Variants in PEX10 observed in about 807,000 individuals in gnomAD.
PEX10 encodes the protein peroxisomal biogenesis factor 10.
PEX10 carries 32 observed loss-of-function variants against 38.0 expected under a neutral mutation model. The ratio of observed to expected loss-of-function variants is 0.84; its 90% CI spans 0.63 to 1.13. The LOEUF (loss-of-function observed/expected upper bound fraction) is 1.13. PEX10 is among the 50% of genes most tolerant of loss of function. PEX10 has a pLI of 0.00. For synonymous variants in PEX10, 206 were observed against 207.3 expected (o/e 0.99, Z 0.05); for missense variants, 483 against 457.7 (o/e 1.06, Z -0.51).
At position 2,410,491 on chromosome 1, in the gene PEX10, G is replaced by A. The variant is rs747287376; in HGVS notation, c.113-40C>T. The A allele has an allele frequency of 2.7e-5, 43 of 1,581,254 alleles. No homozygotes were observed. The highest frequency in any genetic ancestry group is 3.6e-5 in the Non-Finnish European group (42 of 1,153,142). ...AGTATTAGTCCGGGGGAGCTGGTGG[G>A]CATCCTCTGAGGATGAGGGACCACA... On this transcript the variant is annotated intron_variant, in intron 1 of 5. Coordinates refer to ENST00000447513, the MANE Select transcript of PEX10 (RefSeq NM_002617.4). The surrounding 1 kb of genome is among the most constrained non-coding windows in gnomAD (Gnocchi z 5.1).
upstream of PEX10, among the ~76,000 whole-genome samples, chr1:2,412,759 C>T (rs1643305150): frequency 6.6e-6 from 1 of 151,788 alleles, no homozygotes; most frequent in Non-Finnish European, 1.5e-5. Context: ...CGGGGCGGGG[C>T]CCGCGAGCCG....
chr1:2,407,522 T>G (rs1442453195), intron 3 of PEX10, among the ~76,000 whole-genome samples: 1 of 152,166 alleles, frequency 6.6e-6, no homozygotes, highest in South Asian at 2.1e-4. Flanking sequence ...TTCCTGGCTG[T>G]CCTAGGAGAG....
chr1:2,412,917 C>T (rs969131522), upstream of PEX10, among the ~76,000 whole-genome samples: 2 of 152,214 alleles, frequency 1.3e-5, no homozygotes, highest in African/African-American at 2.4e-5. Flanking sequence ...CCACTGGGGA[C>T]AGCGCTGCGG....
intron 5 of PEX10, among the ~76,000 whole-genome samples, chr1:2,406,041 CAG>C (rs1642990024): frequency 6.6e-6 from 1 of 152,176 alleles, no homozygotes; most frequent in Admixed American, 6.5e-5. Flanking sequence ...GCGTAGGGCT[CAG>C]GGTGTGGGGC....
Position 2,409,054 on chromosome 1 carries a change from C to T in PEX10, c.194-196G>A, listed in dbSNP as rs1643104032. 6.6e-6 allele frequency among the ~76,000 whole-genome samples: 1 copy of T among 152,178 alleles called. No individual in the cohort carries two copies. Among genetic ancestry groups the T allele is most frequent in the South Asian group, 2.1e-4 (1 of 4,832 alleles). On this transcript the variant is annotated intron_variant, in intron 2 of 5. Transcript: ENST00000447513. The surrounding 1 kb of genome is among the most constrained non-coding windows in gnomAD (Gnocchi z 6.2). ...AAGCCCACTGTGAGCTCAGGCAGCA[C>T]ATGACAGGCCCGGCCAATGGCTGCC...
Position 2,404,058 on chromosome 1 carries a change from T to C in PEX10, c.*1708A>G, listed in dbSNP as rs1642918239. On this transcript the variant is annotated 3_prime_UTR_variant, in exon 6 of 6. Transcript: ENST00000447513. ...GGAAAGCCCACCTTTTGTTTGGCCT[T>C]TTCGAAAGGTGACCCATATTGCACA... 6.6e-6 allele frequency: 1 copy of C among 152,234 alleles called. No homozygotes were observed. Among genetic ancestry groups the C allele is most frequent in the African/African-American group, 2.4e-5 (1 of 41,454 alleles). 9.4% of individuals were successfully genotyped at this position (152,234 alleles called of 1,614,324 possible). A position where few individuals can be genotyped will look rare whatever the true frequency, so the allele number is the denominator to read the frequency against.
chr1:2,413,530 G>C (rs1046997791), upstream of PEX10: 3 of 152,688 alleles, frequency 2.0e-5, no homozygotes, highest in Admixed American at 6.5e-5. Context: ...CAGGTCGCCT[G>C]CGGTGTCTGC....
At chr1:2,406,386 G>C (rs977297575) in intron 5 of PEX10, 98 bp downstream of exon 5, 1 of 1,505,980 alleles carries the variant, frequency 6.6e-7, no homozygotes, top group Admixed American at 1.7e-5. Context: ...AAAACTGGAG[G>C]GTGCTCAGAG....
chr1:2,406,934 G>A lies in PEX10; in HGVS notation c.601-39C>T, dbSNP rs1469160710. ...GGCGCCACACTCATCAGGACCCTGA[G>A]GGGATCTGGCCTCAGCGCCTGCTGG... is the stretch of plus-strand genomic sequence containing the variant. On this transcript the variant is annotated intron_variant, in intron 3 of 5. Transcript: ENST00000447513. The A allele has an allele frequency of 1.3e-6, 2 of 1,596,490 alleles. No homozygotes were observed. Among genetic ancestry groups the A allele is most frequent in the Admixed American group, 1.7e-5 (1 of 57,772 alleles).
rs766506813 is a variant in PEX10 at position 2,408,680 on chromosome 1, C to T, written c.372G>A (p.Gly124=). ...EQELQADPDS[G]RPLQGSLGPG... ...GCCCCAGGCTCCCCTGCAAGGGTCG[C>T]CCACTGTCGGGGTCAGCCTGCAGCT... is the stretch of plus-strand genomic sequence containing the variant. Residue 124 remains glycine (G), a synonymous_variant, in exon 3 of 6, where the codon GGG becomes GGA. Transcript: ENST00000447513. 3.7e-6 allele frequency: 6 copies of T among 1,612,708 alleles called. No individual in the cohort carries two copies. The African/African-American group carries it at 5.3e-5, about 14-fold the overall frequency.
At chr1:2,413,689 G>A (rs897814107), upstream of PEX10, 1 of 152,338 alleles carries the variant, frequency 6.6e-6, no homozygotes, top group African/African-American at 2.4e-5. Context: ...GATTGCAGGA[G>A]GAAGGCAGGG....
chr1:2,410,517 G>C lies in PEX10; in HGVS notation c.113-66C>G. On this transcript the variant is annotated intron_variant, in intron 1 of 5. Transcript: ENST00000447513. This position sits in a 1 kb window ranked among gnomAD's most constrained non-coding sequence, Gnocchi z 5.1. ...CATCCTCTGAGGATGAGGGACCACA[G>C]TCCTCCCCCAGTTGTCTAGGCCCAG... 1 of 1,406,984 alleles carries C rather than the reference G, an allele frequency of 7.1e-7. No individual in the cohort carries two copies. Among genetic ancestry groups the C allele is most frequent in the Non-Finnish European group, 1.0e-6 (1 of 1,002,820 alleles). The allele number at this position is 1,406,984 out of a possible 1,614,324, so 87.2% of individuals were successfully genotyped here.
chr1:2,405,895 C>A, intron 5 of PEX10, 61 bp from the exon 6 acceptor site: 5 of 1,323,148 alleles, frequency 3.8e-6, no homozygotes, highest in Non-Finnish European at 4.2e-6. Flanking sequence ...CCATCCCCAT[C>A]GGCATTTCTT....
At position 2,405,939 on chromosome 1, in the gene PEX10, C is replaced by T. The variant is rs931841198; in HGVS notation, c.913-105G>A. The T allele has an allele frequency of 1.1e-4, 97 of 899,726 alleles. No homozygotes were observed. The African/African-American group carries it at 1.5e-3, about 14-fold the overall frequency. 55.7% of individuals were successfully genotyped at this position (899,726 alleles called of 1,614,324 possible). On this transcript the variant is annotated intron_variant, in intron 5 of 5. Transcript: ENST00000447513. ...CACATTCTCTGCACATGACACACAA[C>T]ATAAATGTTGTATTTCCTTCAACTA...
chr1:2,407,069 A>C (rs1344321393), intron 3 of PEX10, 174 bp from the exon 4 acceptor site: 1 of 861,106 alleles, frequency 1.2e-6, no homozygotes, highest in African/African-American at 1.7e-5. Flanking sequence ...AGGGAGTCTG[A>C]GGTGCCTGCT....
upstream of PEX10, among the ~76,000 whole-genome samples, chr1:2,412,747 A>G (rs1320603819): frequency 6.7e-6 from 1 of 149,280 alleles, no homozygotes; most frequent in South Asian, 2.1e-4. Flanking sequence ...GGCGGAGCGG[A>G]GCGGGGCGGG....
Position 2,408,863 on chromosome 1 carries a change from G to A in PEX10, c.194-5C>T, listed in dbSNP as rs375032738. On this transcript the variant is annotated splice_region_variant and splice_polypyrimidine_tract_variant and intron_variant, in intron 2 of 5. Transcript: ENST00000447513. ...CCTCCCCCAGGGTCTGGTAGCCTGC[G>A]AGGAAGAGGATGGGTATGTGGACCC... is the stretch of plus-strand genomic sequence containing the variant. 17 of 1,613,890 alleles carry A rather than the reference G, an allele frequency of 1.1e-5. No individual in the cohort carries two copies. The East Asian group carries it at 2.2e-4, about 21-fold the overall frequency.
In PEX10 at chr1:2,408,809, T is replaced by C; in HGVS notation, c.243A>G (p.Pro81=). Residue 81 remains proline, a synonymous_variant, in exon 3 of 6, where the codon CCA becomes CCG. Coordinates refer to ENST00000447513, the MANE Select transcript of PEX10 (RefSeq NM_002617.4). ...GCGAGGAGGGCACATGTATCCGCGA[T>C]GGGTCCACCTGGATGATGCTGACGT... ...EEYVSIIQVD[P]SRIHVPSSLR... is the part of the protein sequence containing the mutation. 1.2e-6 allele frequency: 2 copies of C among 1,614,048 alleles called. No individual in the cohort carries two copies. Among genetic ancestry groups the C allele is most frequent in the South Asian group, 1.1e-5 (1 of 91,084 alleles).
chr1:2,408,341 A>G, intron 3 of PEX10, 111 bp downstream of exon 3: 1 of 1,176,930 alleles, frequency 8.5e-7, no homozygotes, highest in Admixed American at 1.7e-5. Context: ...TGCTGGATGT[A>G]GAACCCTGTT....
Sources: gnomAD v4.1 joint callset for allele counts (sites outside exome capture counted in the v4.1 genomes callset) on GRCh38, gnomAD v4.1.1 for gene constraint, Gnocchi (gnomAD v3.1) non-coding constraint, MANE v1.5 for transcripts, NCBI Gene and HGNC (gene_info 2026-07-23, HGNC 2026-07-21) for gene names.